The following NR1I2 variants were observed in gnomAD, a reference collection of about 807,000 sequenced individuals.
NR1I2 encodes orphan nuclear receptor PAR1.
Under a neutral mutation model 43.3 loss-of-function variants are expected in NR1I2, and 42 were observed. The observed-to-expected ratio is 0.97, with a 90% CI of 0.76 to 1.26. The LOEUF (loss-of-function observed/expected upper bound fraction) is 1.26, where lower values mean the gene tolerates loss of function less well. NR1I2 is among the 50% of genes most tolerant of loss of function. The pLI is 0.00. For synonymous variants in NR1I2, 229 were observed against 215.0 expected (o/e 1.06, Z -0.57); for missense variants, 559 against 566.7 (o/e 0.99, Z 0.14).
intron 1 of NR1I2, among the ~76,000 whole-genome samples, chr3:119,786,651 G>A (rs1381553289): frequency 1.3e-5 from 2 of 152,180 alleles, no homozygotes; most frequent in East Asian, 3.8e-4. Context: ...ACCTGGGCTG[G>A]TGCCAGCTCT....
intron 1 of NR1I2, among the ~76,000 whole-genome samples, chr3:119,789,849 T>C (rs1441919392): frequency 2.0e-5 from 3 of 152,200 alleles, no homozygotes; most frequent in Non-Finnish European, 4.4e-5. Flanking sequence ...AAATATTATT[T>C]AAATATTTGA....
chr3:119,792,384 G>C (rs2054932373), intron 1 of NR1I2: 1 of 1,348,234 alleles, frequency 7.4e-7, no homozygotes, highest in African/African-American at 1.4e-5. Context: ...CAAACAGGTG[G>C]CTCAGCAGGA....
Position 119,814,963 on chromosome 3 carries a change from C to G in NR1I2, c.795-16C>G, listed in dbSNP as rs1425621298. 4 of 1,613,994 alleles carry G rather than the reference C, an allele frequency of 2.5e-6. No individual in the cohort carries two copies. Among genetic ancestry groups the G allele is most frequent in the South Asian group, 1.1e-5 (1 of 91,064 alleles). On this transcript the variant is annotated splice_polypyrimidine_tract_variant and intron_variant, in intron 5 of 8. Transcript: ENST00000393716. The stretch of plus-strand genomic sequence containing the variant: ...CTCCCAGGGAGCTGTCCTCCCCTCC[C>G]CATCCTTGCTGCCAGGGACTTGCCC...
chr3:119,804,442 ATTTTTT>A (rs758279497), intron 1 of NR1I2, among the ~76,000 whole-genome samples: 1 of 118,552 alleles, frequency 8.4e-6, no homozygotes, highest in African/African-American at 3.2e-5. Context: ...CATAGTTGGT[ATTTTTT>A]TTTTTTTTTT....
chr3:119,805,049 T>C (rs2055132308), intron 1 of NR1I2, among the ~76,000 whole-genome samples: 1 of 152,204 alleles, frequency 6.6e-6, no homozygotes, highest in African/African-American at 2.4e-5. Flanking sequence ...CAAGATATTA[T>C]TATTATTGGT....
chr3:119,798,212 C>G (rs2055026309), intron 1 of NR1I2, among the ~76,000 whole-genome samples: 1 of 152,030 alleles, frequency 6.6e-6, no homozygotes, highest in Non-Finnish European at 1.5e-5. Context: ...TCTTAATGCT[C>G]TTTTTTGTTT....
rs1413241103 is a variant in NR1I2 at position 119,815,725 on chromosome 3, G to T, written c.1055-1G>T. ...TTGCACCACACCTCCCTCCCCTCCA[G>T]ACCGCCCAGGTGTGCTGCAGCACCG... On this transcript the variant is annotated splice_acceptor_variant, in intron 7 of 8. Transcript: ENST00000393716. LOFTEE classifies it high-confidence loss of function. The T allele has an allele frequency of 1.9e-6, 3 of 1,612,012 alleles. No individual in the cohort carries two copies. In the African/African-American group the frequency reaches 4.0e-5, roughly 22 times the overall value.
intron 1 of NR1I2, among the ~76,000 whole-genome samples, chr3:119,787,544 G>A (rs748702910): frequency 2.6e-5 from 4 of 151,950 alleles, no homozygotes; most frequent in East Asian, 1.9e-4. Context: ...ACTGAACAAC[G>A]TCAATGGTTT....
intron 1 of NR1I2, among the ~76,000 whole-genome samples, chr3:119,800,352 T>C (rs964452162): frequency 6.6e-6 from 1 of 152,234 alleles, no homozygotes; most frequent in Admixed American, 6.5e-5. Context: ...TCAATCTCTA[T>C]ATCTGTCTTT....
chr3:119,807,459 C>A lies in NR1I2; in HGVS notation c.197+12C>A, dbSNP rs776651745. The A allele has an allele frequency of 6.2e-7, 1 of 1,610,236 alleles. No individual in the cohort carries two copies. The highest frequency in any genetic ancestry group is 2.2e-5 in the East Asian group (1 of 44,866). ...AAGGGCTTTTTCAGGTAGAGTTACC[C>A]ATCAGCCTTCACCCACGTGCCACCA... On this transcript the variant is annotated intron_variant, in intron 2 of 8. Transcript: ENST00000393716.
At chr3:119,814,524 G>A (rs79190573) in intron 5 of NR1I2, among the ~76,000 whole-genome samples, 1 of 152,218 alleles carries the variant, frequency 6.6e-6, no homozygotes, top group African/African-American at 2.4e-5. Context: ...GGAAAGGGGA[G>A]ACTGCACTCT....
At chr3:119,791,967 G>T (rs967073509) in intron 1 of NR1I2, 10 of 688,454 alleles carry the variant, frequency 1.5e-5, no homozygotes, top group Non-Finnish European at 2.2e-5. Context: ...GGACATTGTG[G>T]TAGGGTAAGG....
intron 1 of NR1I2, among the ~76,000 whole-genome samples, chr3:119,796,565 G>A (rs1274343421): frequency 6.6e-6 from 1 of 152,094 alleles, no homozygotes; most frequent in East Asian, 1.9e-4. Flanking sequence ...ATACTCCTGG[G>A]AGCCTTGCTC....
chr3:119,782,962 G>A (rs1396819185), intron 1 of NR1I2: 2 of 887,162 alleles, frequency 2.3e-6, no homozygotes, highest in Non-Finnish European at 3.7e-6. Context: ...TTACAGCCCA[G>A]CTCGGCTGAA....
intron 1 of NR1I2, among the ~76,000 whole-genome samples, chr3:119,788,701 G>C (rs142010545): frequency 1.3e-5 from 2 of 152,194 alleles, no homozygotes; most frequent in Non-Finnish European, 2.9e-5. Flanking sequence ...GCTTCCCTAA[G>C]TGCTGGGATT....
chr3:119,792,663 T>A, intron 1 of NR1I2: 2 of 542,026 alleles, frequency 3.7e-6, no homozygotes, highest in South Asian at 2.0e-5. Flanking sequence ...AATTTCATGA[T>A]TGGCTTAAAG....
At chr3:119,812,602 A>G (rs2055259511) in intron 4 of NR1I2, 84 bp from the exon 5 acceptor site, 2 of 1,530,072 alleles carry the variant, frequency 1.3e-6, no homozygotes, top group East Asian at 2.2e-5. Context: ...GTGGCTGTGC[A>G]TGTTTGGCTG....
intron 1 of NR1I2, among the ~76,000 whole-genome samples, chr3:119,806,508 A>G (rs2055163510): frequency 6.6e-6 from 1 of 152,072 alleles, no homozygotes; most frequent in Non-Finnish European, 1.5e-5. Flanking sequence ...CTGGTCTCAG[A>G]TTCCTGGGCT....
chr3:119,810,221 G>A (rs755674786), intron 3 of NR1I2, 27 bp downstream of exon 3: 5 of 1,570,764 alleles, frequency 3.2e-6, no homozygotes, highest in African/African-American at 2.7e-5. Flanking sequence ...CGGGCGGGCC[G>A]GCGCCGGGGT....
Sources: allele counts gnomAD v4.1 joint callset (sites outside exome capture counted in the v4.1 genomes callset), GRCh38; gene constraint gnomAD v4.1.1; transcripts MANE v1.5; gene names NCBI Gene and HGNC (gene_info 2026-07-23, HGNC 2026-07-21).